Variants in SLC22A17 observed in about 807,000 individuals in gnomAD.
SLC22A17 encodes the protein 24p3 receptor.
A neutral mutation model predicts 53.6 loss-of-function variants in SLC22A17; 38 were observed. The observed-to-expected ratio is 0.71, with a 90% CI of 0.55 to 0.93. The LOEUF is 0.93. Ranked by LOEUF, SLC22A17 falls within the 40% of genes least tolerant of loss-of-function variation. SLC22A17 has a pLI of 0.00. For missense variants in SLC22A17, 704 were observed against 791.0 expected (o/e 0.89, Z 1.32); for synonymous variants, 379 against 353.0 (o/e 1.07, Z -0.82).
Position 23,347,159 on chromosome 14 carries a change from G to T in SLC22A17, c.1603C>A (p.Gln535Lys). Residue 535 changes from glutamine (Q) to lysine (K), a missense_variant, in exon 9 of 10, where the codon CAA (glutamine) becomes AAA (lysine). Physicochemically the swap from Gln to Lys is moderately conservative, Grantham distance 53. Transcript: ENST00000397267. The surrounding 1 kb of genome is among the most constrained non-coding windows in gnomAD (Gnocchi z 5.1). ...AGGGTGCTGAGGATGGCGGCAGCTTGGGAGGAGAAGAGCCCAAGGACAGAG... is the reference window on the plus strand; with the variant it reads ...AGGGTGCTGAGGATGGCGGCAGCTTTGGAGGAGAAGAGCCCAAGGACAGAG... 1 of 1,613,972 alleles carries T rather than the reference G, an allele frequency of 6.2e-7. No individual in the cohort carries two copies.
chr14:23,347,391 C>T lies in SLC22A17; in HGVS notation c.1549+69G>A. 1.3e-6 allele frequency: 2 copies of T among 1,566,090 alleles called. No individual in the cohort carries two copies. Among genetic ancestry groups the T allele is most frequent in the Non-Finnish European group, 1.7e-6 (2 of 1,155,066 alleles). ...GGCCAGGTGGAGGCTCGTGGAAGAGCTGGGCAGGGTCTGGGGCTTGTCTTG... is the reference window on the plus strand; with the variant it reads ...GGCCAGGTGGAGGCTCGTGGAAGAGTTGGGCAGGGTCTGGGGCTTGTCTTG... On this transcript the variant is annotated intron_variant, in intron 8 of 9. Transcript: ENST00000397267. The surrounding 1 kb of genome is among the most constrained non-coding windows in gnomAD (Gnocchi z 5.1).
Position 23,352,758 on chromosome 14 carries a change from GC to G in SLC22A17, c.-18del, listed in dbSNP as rs148272539. The G allele has an allele frequency of 1.0e-2, 3,979 of 398,934 alleles. 143 individuals carry two copies. Among genetic ancestry groups the G allele is most frequent in the African/African-American group, 0.073 (3,559 of 48,728 alleles). 24.7% of individuals were successfully genotyped at this position (398,934 alleles called of 1,614,324 possible). ...GGGAGCCAGCTTGCCGACCGCAGGG[GC>G]CCTGCCGGCCCGCGCCGAAAGGATG... is the stretch of plus-strand genomic sequence containing the variant. On this transcript the variant is annotated 5_prime_UTR_variant, in exon 1 of 10. Coordinates refer to ENST00000397267, the Ensembl canonical transcript of SLC22A17. This position sits in a 1 kb window ranked among gnomAD's most constrained non-coding sequence, Gnocchi z 7.2.
Position 23,352,400 on chromosome 14 carries a change from G to C in SLC22A17, c.148C>G (p.Arg50Gly), listed in dbSNP as rs753833829. 6.9e-6 allele frequency: 4 copies of C among 580,638 alleles called. No individual in the cohort carries two copies. The highest frequency in any genetic ancestry group is 1.1e-5 in the Non-Finnish European group (4 of 360,082). 36.0% of individuals were successfully genotyped at this position (580,638 alleles called of 1,614,324 possible). Reference sequence around the variant, plus strand: ...CCCTCCCCCTCCCGCTCGCGCTCCCGCTCACCCTGCAGCTGCTCCGTGGGC... The same window carrying C: ...CCCTCCCCCTCCCGCTCGCGCTCCCCCTCACCCTGCAGCTGCTCCGTGGGC... The change falls in exon 2 of 10, where the codon CGG (arginine) becomes GGG (glycine). Residue 50 changes from arginine to glycine, a missense_variant. Arg to Gly is a moderately radical substitution (Grantham distance 125, BLOSUM62 -2). Coordinates refer to ENST00000397267, the Ensembl canonical transcript of SLC22A17. The surrounding 1 kb of genome is among the most constrained non-coding windows in gnomAD (Gnocchi z 7.2).
At chr14:23,349,399 C>T in exon 4 of SLC22A17, 4 of 1,613,686 alleles carry the variant, frequency 2.5e-6, no homozygotes, top group Non-Finnish European at 3.4e-6. Context: ...GCCCCAAGGT[C>T]AGCAGCACAA....
chr14:23,349,185 G>A, intron 4 of SLC22A17, 87 bp downstream of exon 4: 1 of 1,536,134 alleles, frequency 6.5e-7, no homozygotes, highest in Non-Finnish European at 9.0e-7. Context: ...GCTGAAATGT[G>A]GCCTAGGGGG....
chr14:23,349,422 C>T, exon 4 of SLC22A17: 1 of 1,611,730 alleles, frequency 6.2e-7, no homozygotes, highest in Non-Finnish European at 8.5e-7. Flanking sequence ...CCGCGACGGC[C>T]AAATCTAGAA....
In SLC22A17 at chr14:23,348,663, G is replaced by C. The variant is rs1343509727; in HGVS notation, c.868C>G (p.Leu290Val). 6.2e-7 allele frequency: 1 copy of C among 1,611,056 alleles called. No individual in the cohort carries two copies. The highest frequency in any genetic ancestry group is 1.7e-5 in the Admixed American group (1 of 59,544). ...CGAAGCCTCTGGGTTGGGTCGCACA[G>C]CTCCAGGCCTGGAGATACAGCAGGG... Residue 290 changes from leucine (L) to valine (V), a missense_variant, in exon 5 of 10, where the codon CTG becomes GTG. Leu to Val is a conservative substitution (Grantham distance 32). Coordinates refer to ENST00000397267, the Ensembl canonical transcript of SLC22A17. This position sits in a 1 kb window ranked among gnomAD's most constrained non-coding sequence, Gnocchi z 4.5.
intron 3 of SLC22A17, chr14:23,351,277 A>C (rs148715158): frequency 6.4e-6 from 1 of 157,260 alleles, no homozygotes; most frequent in African/African-American, 2.4e-5. Context: ...GTCTTTGGAG[A>C]TAGTTAGTTG....
Position 23,352,510 on chromosome 14 carries a change from G to T in SLC22A17, c.97-59C>A, listed in dbSNP as rs72542464. 803 of 421,510 alleles carry T rather than the reference G, an allele frequency of 1.9e-3. 9 individuals carry two copies. The highest frequency in any genetic ancestry group is 0.015 in the African/African-American group (724 of 48,846). The allele number at this position is 421,510 out of a possible 1,614,324, so 26.1% of individuals were successfully genotyped here. ...GAAGCGGAGGAAACCGCAGAGCAAG[G>T]GCAGGGGGCAGGTGGGAGGGAGGGC... On this transcript the variant is annotated intron_variant, in intron 1 of 9. Coordinates refer to ENST00000397267, the Ensembl canonical transcript of SLC22A17. This position sits in a 1 kb window ranked among gnomAD's most constrained non-coding sequence, Gnocchi z 7.2.
chr14:23,346,313 T>G, downstream of SLC22A17: 1 of 281,538 alleles, frequency 3.6e-6, no homozygotes, highest in Non-Finnish European at 6.6e-6. Flanking sequence ...GTCCAGGCTA[T>G]GATATGCTCG....
intron 3 of SLC22A17, among the ~76,000 whole-genome samples, chr14:23,350,345 A>G (rs545253073): frequency 1.3e-5 from 2 of 152,182 alleles, no homozygotes; most frequent in East Asian, 3.9e-4. Context: ...AAAAAGAAAG[A>G]TCAGTGGGGA....
intron 2 of SLC22A17, 36 bp downstream of exon 2, chr14:23,351,912 C>T: frequency 6.2e-7 from 1 of 1,611,500 alleles, no homozygotes; most frequent in South Asian, 1.1e-5. Flanking sequence ...CGCTCTCTGC[C>T]CGCCCCCAGA....
At chr14:23,346,417 C>T (rs369972425) in exon 10 of SLC22A17, 58 of 504,214 alleles carry the variant, frequency 1.2e-4, no homozygotes, top group East Asian at 8.6e-4. Flanking sequence ...AGCCCAGACC[C>T]AGTGGTTACA....
rs370153566 is a variant in SLC22A17, at chr14:23,347,731, G to A, written c.1278C>T (p.Asn426=). Residue 426 remains asparagine (N), a splice_region_variant and synonymous_variant, in exon 8 of 10, where the codon AAC becomes AAT. Coordinates refer to ENST00000397267, the Ensembl canonical transcript of SLC22A17. This position sits in a 1 kb window ranked among gnomAD's most constrained non-coding sequence, Gnocchi z 5.1. ...AGTGGCGAATGGCATGGGCAATGAAGCTGTGAGAAGGGGTGGGGAAGCAAC... is the reference window on the plus strand; with the variant it reads ...AGTGGCGAATGGCATGGGCAATGAAACTGTGAGAAGGGGTGGGGAAGCAAC... 1.2e-6 allele frequency: 2 copies of A among 1,613,304 alleles called. No homozygotes were observed. The highest frequency in any genetic ancestry group is 1.7e-6 in the Non-Finnish European group (2 of 1,179,578).
At chr14:23,350,034 AG>A (rs933732920) in intron 3 of SLC22A17, among the ~76,000 whole-genome samples, 1 of 152,154 alleles carries the variant, frequency 6.6e-6, no homozygotes, top group African/African-American at 2.4e-5. Context: ...GGCTGGGCGC[AG>A]TGGCTCACAC....
At position 23,351,504 on chromosome 14, in the gene SLC22A17, A is replaced by G. The variant is rs969870081; in HGVS notation, c.704+248T>C. 3.8e-5 allele frequency: 17 copies of G among 446,120 alleles called. No individual in the cohort carries two copies. The East Asian group carries it at 6.2e-4, about 16-fold the overall frequency. 27.6% of individuals were successfully genotyped at this position (446,120 alleles called of 1,614,324 possible). On this transcript the variant is annotated intron_variant, in intron 3 of 9. Transcript: ENST00000397267. ...GCCATTGATTCACGGATAGGGGGCC[A>G]CTAATTAGTGGGAATGGGACTAATA... is the stretch of plus-strand genomic sequence containing the variant.
intron 3 of SLC22A17, among the ~76,000 whole-genome samples, chr14:23,350,011 T>A (rs2138517079): frequency 6.6e-6 from 1 of 152,244 alleles, no homozygotes; most frequent in South Asian, 2.1e-4. Context: ...TATTAATACA[T>A]TAAGAATGGT....
Position 23,348,149 on chromosome 14 carries a change from C to T in SLC22A17, c.1171+12G>A, listed in dbSNP as rs1267264036. The T allele has an allele frequency of 6.2e-7, 1 of 1,613,816 alleles. No homozygotes were observed. The highest frequency in any genetic ancestry group is 1.1e-5 in the South Asian group (1 of 91,070). ...AAGTGAGGCAACACTCACAGGGATC[C>T]CTGTCTCTTACCCTGCAGGGCCTCC... On this transcript the variant is annotated intron_variant, in intron 6 of 9. Transcript: ENST00000397267. This position sits in a 1 kb window ranked among gnomAD's most constrained non-coding sequence, Gnocchi z 4.5.
At chr14:23,349,293 C>A in exon 4 of SLC22A17, 1 of 1,613,988 alleles carries the variant, frequency 6.2e-7, no homozygotes, top group Non-Finnish European at 8.5e-7. Context: ...ACACCCAGGT[C>A]AACACCGGCA....
Sources: gnomAD v4.1 joint callset for allele counts (sites outside exome capture counted in the v4.1 genomes callset) on GRCh38, gnomAD v4.1.1 for gene constraint, Gnocchi (gnomAD v3.1) non-coding constraint, MANE v1.5 for transcripts, NCBI Gene and HGNC (gene_info 2026-07-23, HGNC 2026-07-21) for gene names.